Variants in CORO2A observed in about 807,000 individuals in gnomAD.
CORO2A encodes coronin-2A.
CORO2A carries 47 observed loss-of-function variants against 62.4 expected under a neutral mutation model. The ratio of observed to expected loss-of-function variants is 0.75; its 90% CI spans 0.60 to 0.96. CORO2A has a LOEUF of 0.96. CORO2A is among the 40% of genes least tolerant of loss of function. The probability of loss-of-function intolerance (pLI) is 0.00; values close to 1 mark genes in which losing one functional copy is unlikely to be tolerated. For missense variants in CORO2A, 610 were observed against 684.1 expected, an observed-to-expected ratio of 0.89 and a Z score of 1.21; for synonymous variants, 273 against 268.9, an observed-to-expected ratio of 1.02 and a Z score of -0.15.
Position 98,121,697 on chromosome 9 carries a change from G to A in CORO2A, c.*3077C>T, listed in dbSNP as rs890559870. ...TGGCAGTCAATGACCTTGGCATGAT[G>A]TTTCTTCACTTCTCTGAGGCTAGGT... On this transcript the variant is annotated 3_prime_UTR_variant, in exon 12 of 12. Transcript: ENST00000375077. 1 of 152,244 alleles carries A rather than the reference G, an allele frequency of 6.6e-6. No individual in the cohort carries two copies. Among genetic ancestry groups the A allele is most frequent in the Non-Finnish European group, 1.5e-5 (1 of 68,104 alleles). The allele number at this position is 152,244 out of a possible 1,614,324, so 9.4% of individuals were successfully genotyped here. A position where few individuals can be genotyped will look rare whatever the true frequency, so the allele number is the denominator to read the frequency against.
intron 3 of CORO2A, 84 bp downstream of exon 3, chr9:98,137,488 G>A (rs545383041): frequency 1.8e-6 from 2 of 1,114,784 alleles, no homozygotes; most frequent in Admixed American, 1.7e-5. Flanking sequence ...AGGGGCACCA[G>A]AGCCAAGAAC....
At chr9:98,164,621 T>C (rs1191109397) in intron 1 of CORO2A, among the ~76,000 whole-genome samples, 1 of 152,194 alleles carries the variant, frequency 6.6e-6, no homozygotes, top group Non-Finnish European at 1.5e-5. Flanking sequence ...GCTCTGTGAA[T>C]CTAAGGCCAG....
intron 6 of CORO2A, among the ~76,000 whole-genome samples, chr9:98,131,479 C>T (rs1473047739): frequency 6.6e-6 from 1 of 152,042 alleles, no homozygotes; most frequent in African/African-American, 2.4e-5. Context: ...ATATGCACCA[C>T]TGCACCCCGC....
chr9:98,134,849 G>A lies in CORO2A; in HGVS notation c.425C>T (p.Pro142Leu). The A allele has an allele frequency of 6.2e-7, 1 of 1,614,046 alleles. No individual in the cohort carries two copies. Among genetic ancestry groups the A allele is most frequent in the Non-Finnish European group, 8.5e-7 (1 of 1,179,966 alleles). Residue 142 changes from proline to leucine, a missense_variant, in exon 4 of 12, where the codon CCC (proline) becomes CTC (leucine). Physicochemically the swap from Pro to Leu is moderately conservative, Grantham distance 98. Coordinates refer to ENST00000375077, the MANE Select transcript of CORO2A (RefSeq NM_052820.4). ...ACTGAAGAGGATGTTGGCGGCCGTG[G>A]GGTGCCACTCCACCAGGCCTACTCT... The part of the protein sequence containing the change: ...ARRVGLVEWH[P>L]TAANILFSAG...
rs370867876 is a variant in CORO2A at position 98,137,293 on chromosome 9, G to A, written c.318+279C>T. Among the ~76,000 whole-genome samples, 21 of 152,212 alleles carry A rather than the reference G, an allele frequency of 1.4e-4. No individual in the cohort carries two copies. The East Asian group carries it at 2.7e-3, about 20-fold the overall frequency. ...TCCCCGAAGGATGGGTTTTCCCATC[G>A]GAATATACATTTTCACTGGGCTTTA... On this transcript the variant is annotated intron_variant, in intron 3 of 11. Transcript: ENST00000375077.
intron 1 of CORO2A, among the ~76,000 whole-genome samples, chr9:98,175,139 A>G (rs1435501691): frequency 1.3e-5 from 2 of 152,058 alleles, no homozygotes; most frequent in East Asian, 3.9e-4. Context: ...GTGACTTCAA[A>G]AGCAGGGGGT....
chr9:98,169,340 C>A (rs1828002811), intron 1 of CORO2A, among the ~76,000 whole-genome samples: 1 of 152,102 alleles, frequency 6.6e-6, no homozygotes, highest in Non-Finnish European at 1.5e-5. Flanking sequence ...GGAGTGCCTC[C>A]TCCCCACATC....
At chr9:98,131,123 G>A (rs989488211) in intron 6 of CORO2A, 64 bp from the exon 7 acceptor site, 37 of 1,112,382 alleles carry the variant, frequency 3.3e-5, no homozygotes, top group Middle Eastern at 3.9e-4. Context: ...TGGTGCTCCC[G>A]GAGATAAGAA....
At chr9:98,140,543 A>G (rs1191407063) in intron 2 of CORO2A, among the ~76,000 whole-genome samples, 1 of 151,896 alleles carries the variant, frequency 6.6e-6, no homozygotes, top group Admixed American at 6.6e-5. Context: ...GGGTAAGACA[A>G]TCTTCCCACC....
chr9:98,149,603 G>A (rs1188733990), intron 2 of CORO2A, among the ~76,000 whole-genome samples: 1 of 152,192 alleles, frequency 6.6e-6, no homozygotes, highest in East Asian at 1.9e-4. Context: ...CCACGGGGAG[G>A]TGTCCCAGAC....
intron 2 of CORO2A, among the ~76,000 whole-genome samples, chr9:98,155,852 C>T (rs1827796479): frequency 6.6e-6 from 1 of 151,972 alleles, no homozygotes; most frequent in African/African-American, 2.4e-5. Flanking sequence ...TTTCTCATTC[C>T]TGATGCTTTT....
chr9:98,134,667 C>G, intron 4 of CORO2A, 139 bp downstream of exon 4: 1 of 969,214 alleles, frequency 1.0e-6, no homozygotes, highest in Admixed American at 3.0e-5. Context: ...TTCCCTAGGG[C>G]ATCTGGAGGG....
chr9:98,160,766 AC>A (rs942362139), intron 1 of CORO2A, among the ~76,000 whole-genome samples: 25 of 152,074 alleles, frequency 1.6e-4, no homozygotes, highest in African/African-American at 5.8e-4. Flanking sequence ...TGCTCACCAG[AC>A]GTCCCATTGC....
intron 2 of CORO2A, among the ~76,000 whole-genome samples, chr9:98,149,600 G>A (rs1362517240): frequency 6.6e-6 from 1 of 152,210 alleles, no homozygotes; most frequent in Non-Finnish European, 1.5e-5. Flanking sequence ...AGGCCACGGG[G>A]AGGTGTCCCA....
intron 2 of CORO2A, among the ~76,000 whole-genome samples, chr9:98,151,494 T>C (rs1011794582): frequency 1.3e-5 from 2 of 152,182 alleles, no homozygotes; most frequent in African/African-American, 4.8e-5. Context: ...TATGTACAAA[T>C]GCAATTCATT....
At chr9:98,131,680 A>G (rs1010396690) in intron 6 of CORO2A, among the ~76,000 whole-genome samples, 9 of 152,234 alleles carry the variant, frequency 5.9e-5, no homozygotes, top group African/African-American at 2.2e-4. Flanking sequence ...GTTTTTTAAA[A>G]TTTATTTTAA....
intron 1 of CORO2A, among the ~76,000 whole-genome samples, chr9:98,191,033 C>T (rs1192804217): frequency 6.6e-6 from 1 of 152,236 alleles, no homozygotes; most frequent in African/African-American, 2.4e-5. Context: ...AAAGAGCTCA[C>T]TACCTGTCCA....
At chr9:98,177,962 C>A (rs970277228) in intron 1 of CORO2A, among the ~76,000 whole-genome samples, 6 of 152,168 alleles carry the variant, frequency 3.9e-5, no homozygotes, top group Non-Finnish European at 8.8e-5. Flanking sequence ...CTGTTTTTGT[C>A]CTGGGTCTTG....
Position 98,124,754 on chromosome 9 carries a change from A to G in CORO2A, c.*20T>C. On this transcript the variant is annotated 3_prime_UTR_variant, in exon 12 of 12. Transcript: ENST00000375077. Reference sequence around the variant, plus strand: ...GAGCCGAGTGGTGTCCCTGAGGGTGAGGAGGGCAGAGGTCTCTGCTCAGAG... The same window carrying G: ...GAGCCGAGTGGTGTCCCTGAGGGTGGGGAGGGCAGAGGTCTCTGCTCAGAG... 6.3e-7 allele frequency: 1 copy of G among 1,595,842 alleles called. No individual in the cohort carries two copies. The highest frequency in any genetic ancestry group is 8.5e-7 in the Non-Finnish European group (1 of 1,169,770).
Sources: gnomAD v4.1 joint callset for allele counts (sites outside exome capture counted in the v4.1 genomes callset) on GRCh38, gnomAD v4.1.1 for gene constraint, MANE v1.5 for transcripts, NCBI Gene and HGNC (gene_info 2026-07-23, HGNC 2026-07-21) for gene names.